KHDRBS2: variants seen among roughly 807,000 people sequenced by gnomAD.
KHDRBS2 encodes the protein KH domain-containing, RNA-binding, signal transduction-associated protein 2.
A neutral mutation model predicts 44.3 loss-of-function variants in KHDRBS2; 26 were observed. That is an observed-to-expected ratio of 0.59 (90% CI 0.43 to 0.81). The LOEUF (loss-of-function observed/expected upper bound fraction) is 0.81, where lower values mean the gene tolerates loss of function less well. Ranked by LOEUF, KHDRBS2 falls within the 40% of genes least tolerant of loss-of-function variation. KHDRBS2 has a pLI of 0.00. For missense variants in KHDRBS2, 476 were observed against 433.1 expected, an observed-to-expected ratio of 1.10 and a Z score of -0.88; for synonymous variants, 194 against 151.1, an observed-to-expected ratio of 1.28 and a Z score of -2.08.
chr6:61,873,980 A>G (rs61313158), intron 6 of KHDRBS2, among the ~76,000 whole-genome samples: 1 of 151,432 alleles, frequency 6.6e-6, no homozygotes, highest in Non-Finnish European at 1.5e-5. Flanking sequence ...GTACTTTATG[A>G]ATATTTTATG....
chr6:62,069,355 G>A (rs760813755), intron 2 of KHDRBS2, among the ~76,000 whole-genome samples: 22 of 151,714 alleles, frequency 1.5e-4, no homozygotes, highest in Non-Finnish European at 3.1e-4. Flanking sequence ...TTATCCAACC[G>A]TAAGTTTATG....
chr6:61,569,086 C>A, the KHDRBS2 span, among the ~76,000 whole-genome samples: 7 of 134,282 alleles, frequency 5.2e-5, no homozygotes, highest in Non-Finnish European at 9.8e-5. Flanking sequence ...GTGAGACTAG[C>A]CTCAACAACT....
chr6:62,213,576 T>C (rs987661569), intron 1 of KHDRBS2, among the ~76,000 whole-genome samples: 2 of 151,930 alleles, frequency 1.3e-5, no homozygotes, highest in African/African-American at 4.8e-5. Flanking sequence ...CAAACTGTAG[T>C]CATATTTCAG....
chr6:62,080,152 T>C (rs563902050), intron 2 of KHDRBS2, among the ~76,000 whole-genome samples: 3 of 152,120 alleles, frequency 2.0e-5, no homozygotes, highest in Non-Finnish European at 4.4e-5. Flanking sequence ...TTCAGAGACA[T>C]GTTACCTAAG....
the KHDRBS2 span, among the ~76,000 whole-genome samples, chr6:61,545,957 T>C: frequency 6.6e-6 from 1 of 152,130 alleles, no homozygotes; most frequent in African/African-American, 2.4e-5. Flanking sequence ...GATTTTGGAC[T>C]TCCAGTCCCC....
At chr6:61,555,992 G>A in the KHDRBS2 span, among the ~76,000 whole-genome samples, 23 of 152,326 alleles carry the variant, frequency 1.5e-4, 1 homozygote, top group African/African-American at 2.9e-4. Flanking sequence ...GTTCATGCTC[G>A]TTTGCACATG....
intron 4 of KHDRBS2, among the ~76,000 whole-genome samples, chr6:61,959,350 T>C (rs111228967): frequency 3.9e-4 from 59 of 152,274 alleles, no homozygotes; most frequent in Middle Eastern, 3.4e-3. Flanking sequence ...CACACACATT[T>C]CAGCCAGATT....
rs561894678 is a variant in KHDRBS2 at position 61,768,834 on chromosome 6, C to T, written c.811-36070G>A. ...CTGATTTTTTGGTCTTATAAAAGTG[C>T]TTTTTTGTGTAAACAGTTGTTCAAT... On this transcript the variant is annotated intron_variant, in intron 6 of 8. Coordinates refer to ENST00000281156, the MANE Select transcript of KHDRBS2 (RefSeq NM_152688.4). 4.6e-5 allele frequency among the ~76,000 whole-genome samples: 7 copies of T among 152,040 alleles called. 1 individual carries two copies. The South Asian group carries it at 1.2e-3, about 27-fold the overall frequency.
At chr6:62,204,623 G>A (rs536191477) in intron 1 of KHDRBS2, among the ~76,000 whole-genome samples, 9 of 152,044 alleles carry the variant, frequency 5.9e-5, no homozygotes, top group Admixed American at 3.3e-4. Flanking sequence ...ATGCCCAACC[G>A]GTATTAGAAT....
At chr6:61,941,826 T>G (rs1812186230) in intron 4 of KHDRBS2, among the ~76,000 whole-genome samples, 2 of 152,146 alleles carry the variant, frequency 1.3e-5, no homozygotes, top group African/African-American at 4.8e-5. Flanking sequence ...GATGTGCAGA[T>G]GTCAACATAA....
At chr6:61,653,248 A>G in the KHDRBS2 span, among the ~76,000 whole-genome samples, 4 of 152,106 alleles carry the variant, frequency 2.6e-5, no homozygotes, top group Non-Finnish European at 5.9e-5. Context: ...AACTTGTTAA[A>G]GTGCCTCTGT....
rs1453535759 is a variant in KHDRBS2, at chr6:62,114,918, G to C, written c.219+62267C>G. On this transcript the variant is annotated intron_variant, in intron 2 of 8. Transcript: ENST00000281156. ...AAAATGGAAAAAAACTCTCACTATT[G>C]AGAAAACATGGTATTTAATATTTAG... Among the ~76,000 whole-genome samples, 5 of 151,964 alleles carry C rather than the reference G, an allele frequency of 3.3e-5. No individual in the cohort carries two copies. The East Asian group carries it at 9.6e-4, about 29-fold the overall frequency.
chr6:61,682,908 C>T (rs2127538481), intron 8 of KHDRBS2, among the ~76,000 whole-genome samples: 1 of 151,864 alleles, frequency 6.6e-6, no homozygotes, highest in African/African-American at 2.4e-5. Flanking sequence ...CCTTCTTAGC[C>T]TTATGTAAAA....
the KHDRBS2 span, among the ~76,000 whole-genome samples, chr6:61,632,813 AG>A: frequency 6.6e-6 from 1 of 152,132 alleles, no homozygotes; most frequent in African/African-American, 2.4e-5. Context: ...CACAGATCTC[AG>A]GTCACAATAA....
chr6:62,152,118 G>A (rs1021199250), intron 2 of KHDRBS2, among the ~76,000 whole-genome samples: 1 of 152,034 alleles, frequency 6.6e-6, no homozygotes, highest in African/African-American at 2.4e-5. Context: ...TTGGGAGTTC[G>A]AGACCAGTCT....
In KHDRBS2 at chr6:61,993,106, A is replaced by G. The variant is rs16868439; in HGVS notation, c.337-14894T>C. On this transcript the variant is annotated intron_variant, in intron 3 of 8. Coordinates refer to ENST00000281156, the MANE Select transcript of KHDRBS2 (RefSeq NM_152688.4). ...CAGAATGTTTTCTCAAAGTCTGCAA[A>G]ATTGATGTTTTTGGGAAAAGTGTAA... is the stretch of plus-strand genomic sequence containing the variant. Among the ~76,000 whole-genome samples the G allele has an allele frequency of 8.0e-3, 1,217 of 152,260 alleles. 16 individuals carry two copies. The highest frequency in any genetic ancestry group is 0.028 in the African/African-American group (1,178 of 41,540).
intron 3 of KHDRBS2, among the ~76,000 whole-genome samples, chr6:61,992,294 C>T (rs1776282160): frequency 1.3e-5 from 2 of 152,110 alleles, no homozygotes; most frequent in African/African-American, 2.4e-5. Flanking sequence ...TCTGCCATCT[C>T]CTTTGTGAAC....
chr6:62,132,886 C>G (rs1283588828), intron 2 of KHDRBS2, among the ~76,000 whole-genome samples: 1 of 152,090 alleles, frequency 6.6e-6, no homozygotes, highest in African/African-American at 2.4e-5. Flanking sequence ...ATCAGATCAA[C>G]ATGGCTTGCT....
the KHDRBS2 span, among the ~76,000 whole-genome samples, chr6:61,561,401 G>A: frequency 9.9e-5 from 15 of 152,246 alleles, no homozygotes; most frequent in African/African-American, 3.6e-4. Flanking sequence ...AAGCCCTATG[G>A]CTTAAAAATC....
Sources: allele counts gnomAD v4.1 joint callset (sites outside exome capture counted in the v4.1 genomes callset), GRCh38; gene constraint gnomAD v4.1.1; transcripts MANE v1.5; gene names NCBI Gene and HGNC (gene_info 2026-07-23, HGNC 2026-07-21).